PRKCE: variants seen among roughly 807,000 people sequenced by gnomAD.
PRKCE encodes the protein protein kinase C epsilon type.
PRKCE carries 16 observed loss-of-function variants against 85.4 expected under a neutral mutation model. That is an observed-to-expected ratio of 0.19 (90% CI 0.13 to 0.28). PRKCE has a LOEUF of 0.28. PRKCE is among the 10% of genes least tolerant of loss of function. PRKCE has a pLI of 1.00. For missense variants in PRKCE, 573 were observed against 975.2 expected, an observed-to-expected ratio of 0.59 and a Z score of 5.49; for synonymous variants, 388 against 371.5, an observed-to-expected ratio of 1.04 and a Z score of -0.51.
At chr2:46,081,552 G>A (rs1454669564) in intron 10 of PRKCE, among the ~76,000 whole-genome samples, 2 of 152,198 alleles carry the variant, frequency 1.3e-5, no homozygotes, top group Middle Eastern at 3.2e-3. Context: ...GCACGTCACA[G>A]GGGGATCTGA....
At chr2:45,796,848 C>T (rs1558681986) in intron 1 of PRKCE, among the ~76,000 whole-genome samples, 1 of 152,148 alleles carries the variant, frequency 6.6e-6, no homozygotes, top group Non-Finnish European at 1.5e-5. Context: ...GAACTCCTGG[C>T]CTCAAGTGAT....
At chr2:45,819,245 G>C (rs566607181) in intron 1 of PRKCE, among the ~76,000 whole-genome samples, 1 of 152,206 alleles carries the variant, frequency 6.6e-6, no homozygotes, top group Non-Finnish European at 1.5e-5. Context: ...CAGATCAAGA[G>C]TGAGGCACAC....
In PRKCE at chr2:45,884,322, T is replaced by TA. The variant is rs562991333; in HGVS notation, c.412+41262dup. Among the ~76,000 whole-genome samples, 285 of 152,342 alleles carry TA rather than the reference T, an allele frequency of 1.9e-3. 1 individual carries two copies. The highest frequency in any genetic ancestry group is 6.4e-3 in the African/African-American group (266 of 41,582). ...TCACTTGTTGAAAGGATGCCTATGA[T>TA]AAAGTCTCCCTTTTATTGCTGGGTA... On this transcript the variant is annotated intron_variant, in intron 2 of 14. Coordinates refer to ENST00000306156, the MANE Select transcript of PRKCE (RefSeq NM_005400.3).
At chr2:46,023,716 A>G (rs1017555077) in intron 10 of PRKCE, among the ~76,000 whole-genome samples, 1 of 152,062 alleles carries the variant, frequency 6.6e-6, no homozygotes, top group Non-Finnish European at 1.5e-5. Flanking sequence ...TGTGAAGAGG[A>G]GGTTACCGGT....
chr2:45,930,138 T>C (rs1698928340), intron 2 of PRKCE, among the ~76,000 whole-genome samples: 1 of 152,198 alleles, frequency 6.6e-6, no homozygotes, highest in Non-Finnish European at 1.5e-5. Context: ...TCCAGCTCAG[T>C]CACCTGATTA....
intron 10 of PRKCE, among the ~76,000 whole-genome samples, chr2:46,056,567 A>G (rs1055645518): frequency 1.3e-5 from 2 of 152,266 alleles, no homozygotes; most frequent in Non-Finnish European, 2.9e-5. Context: ...GTCAGCAATT[A>G]GCGAATTAAG....
At chr2:46,051,329 A>T (rs1400959467) in intron 10 of PRKCE, among the ~76,000 whole-genome samples, 1 of 152,204 alleles carries the variant, frequency 6.6e-6, no homozygotes, top group Non-Finnish European at 1.5e-5. Context: ...TCAGTGCACC[A>T]TACACATGCT....
At chr2:45,787,953 C>G (rs1439443974) in intron 1 of PRKCE, among the ~76,000 whole-genome samples, 3 of 152,306 alleles carry the variant, frequency 2.0e-5, no homozygotes, top group Middle Eastern at 3.4e-3. Flanking sequence ...TTTGTCTTAG[C>G]TGTCTCTCAT....
At chr2:45,654,636 T>C (rs1201551533) in intron 1 of PRKCE, among the ~76,000 whole-genome samples, 1 of 152,236 alleles carries the variant, frequency 6.6e-6, no homozygotes, top group Non-Finnish European at 1.5e-5. Context: ...TTCATCTCTT[T>C]TGCCTTATAG....
intron 10 of PRKCE, among the ~76,000 whole-genome samples, chr2:46,061,864 T>TC (rs1465930494): frequency 6.7e-5 from 9 of 134,406 alleles, no homozygotes; most frequent in Admixed American, 3.5e-4. Flanking sequence ...TTTTTCTTTT[T>TC]TTTTTTTTTT....
rs116601208 is a variant in PRKCE at position 45,832,916 on chromosome 2, G to A, written c.349-10084G>A. On this transcript the variant is annotated intron_variant, in intron 1 of 14. Coordinates refer to ENST00000306156, the MANE Select transcript of PRKCE (RefSeq NM_005400.3). Reference sequence around the variant, plus strand: ...AACACATGTAGAGTATTCAATAAAGGGTGCTTATGAGAGTTGTGATTATTA... The same window carrying A: ...AACACATGTAGAGTATTCAATAAAGAGTGCTTATGAGAGTTGTGATTATTA... 4.0e-3 allele frequency among the ~76,000 whole-genome samples: 613 copies of A among 152,146 alleles called. 4 individuals are homozygous for A. The highest frequency in any genetic ancestry group is 0.014 in the African/African-American group (595 of 41,512).
intron 1 of PRKCE, among the ~76,000 whole-genome samples, chr2:45,818,161 C>G (rs1037390686): frequency 6.6e-6 from 1 of 152,178 alleles, no homozygotes; most frequent in Non-Finnish European, 1.5e-5. Flanking sequence ...GTATCATGTG[C>G]CACATAGAAA....
At chr2:46,167,397 G>T (rs530919898) in intron 14 of PRKCE, among the ~76,000 whole-genome samples, 8 of 152,332 alleles carry the variant, frequency 5.3e-5, no homozygotes, top group African/African-American at 1.9e-4. Context: ...TGTTGATGCT[G>T]TTGGTGAGGA....
chr2:45,684,797 A>G (rs1015098296), intron 1 of PRKCE, among the ~76,000 whole-genome samples: 2 of 152,176 alleles, frequency 1.3e-5, no homozygotes, highest in Non-Finnish European at 2.9e-5. Context: ...TAGTGTGCGC[A>G]TCCAAGGAGG....
intron 1 of PRKCE, among the ~76,000 whole-genome samples, chr2:45,834,417 A>C (rs751540539): frequency 1.3e-5 from 2 of 152,252 alleles, no homozygotes; most frequent in Non-Finnish European, 2.9e-5. Context: ...TTAACAAGTT[A>C]GCTCAGAACA....
chr2:45,664,666 CCTTCCCTTGGACTGG>C (rs1675829511), intron 1 of PRKCE, among the ~76,000 whole-genome samples: 1 of 152,196 alleles, frequency 6.6e-6, no homozygotes. Flanking sequence ...ACATGGATTA[CCTTCCCTTGGACTGG>C]CTTCTGTCTT....
chr2:45,962,258 C>T (rs1336918734), intron 2 of PRKCE, among the ~76,000 whole-genome samples: 1 of 152,184 alleles, frequency 6.6e-6, no homozygotes, highest in Non-Finnish European at 1.5e-5. Flanking sequence ...TACTTTCCCC[C>T]CAGGGCCCTA....
chr2:46,050,748 T>TC (rs1040188141), intron 10 of PRKCE, among the ~76,000 whole-genome samples: 4 of 152,078 alleles, frequency 2.6e-5, no homozygotes, highest in East Asian at 1.9e-4. Flanking sequence ...ATTTCTTTTT[T>TC]CCCCCCCAGC....
Position 45,799,178 on chromosome 2 carries a change from A to G in PRKCE, c.349-43822A>G, listed in dbSNP as rs532956547. Among the ~76,000 whole-genome samples, 62 of 151,794 alleles carry G rather than the reference A, an allele frequency of 4.1e-4. 2 individuals carry two copies. The highest frequency in any genetic ancestry group is 1.5e-5 in the Non-Finnish European group (1 of 67,964). On this transcript the variant is annotated intron_variant, in intron 1 of 14. Coordinates refer to ENST00000306156, the MANE Select transcript of PRKCE (RefSeq NM_005400.3). ...GGGACTCCGTTTCAAAAAAAAAAAA[A>G]GAAAAAAGTGAGCATTTTCATTCAT...
Sources: gnomAD v4.1 joint callset for allele counts (sites outside exome capture counted in the v4.1 genomes callset) on GRCh38, gnomAD v4.1.1 for gene constraint, MANE v1.5 for transcripts, NCBI Gene and HGNC (gene_info 2026-07-23, HGNC 2026-07-21) for gene names.